The following FANCM variants were observed in gnomAD, a reference collection of about 807,000 sequenced individuals.
FANCM encodes FA complementation group M.
In FANCM, 140 loss-of-function variants were observed where a neutral mutation model predicts 199.5. The observed-to-expected ratio is 0.70, with a 90% confidence interval of 0.61 to 0.81. The LOEUF (loss-of-function observed/expected upper bound fraction) is 0.81. FANCM is among the 30% of genes least tolerant of loss of function. The probability of loss-of-function intolerance (pLI) is 0.00; values close to 1 mark genes in which losing one functional copy is unlikely to be tolerated. For missense variants in FANCM, 2,410 were observed against 2,421.4 expected (o/e 1.00, Z 0.10); for synonymous variants, 840 against 836.8 (o/e 1.00, Z -0.07).
chr14:45,200,268 TTAAG>T lies in FANCM; in HGVS notation c.*261_*264del, dbSNP rs1890291521. 1 of 165,396 alleles carries T rather than the reference TTAAG, an allele frequency of 6.0e-6. No homozygotes were observed. 10.2% of individuals were successfully genotyped at this position (165,396 alleles called of 1,614,324 possible). A position where few individuals can be genotyped will look rare whatever the true frequency, so the allele number is the denominator to read the frequency against. ...TATTAAAAGTGTTACTAAGGATAGT[TTAAG>T]AAAGTAAAAGCTAAGCTAGAGATAT... On this transcript the variant is annotated 3_prime_UTR_variant, in exon 23 of 23. Transcript: ENST00000267430.
chr14:45,196,471 C>T lies in FANCM; in HGVS notation c.5640C>T (p.Phe1880=). Residue 1880 remains phenylalanine (F), a synonymous_variant, in exon 21 of 23, where the codon TTC becomes TTT. Transcript: ENST00000267430. ...EMLNSVNKNK[F]IEQIQHLQSM... The stretch of plus-strand genomic sequence containing the variant: ...TAAATAGTGTCAATAAGAACAAGTT[C>T]ATTGAGCAGATCCAGCACCTGCAGA... 6.2e-7 allele frequency: 1 copy of T among 1,613,876 alleles called. No homozygotes were observed. The highest frequency in any genetic ancestry group is 8.5e-7 in the Non-Finnish European group (1 of 1,179,854).
chr14:45,142,937 A>G (rs1302042881), intron 3 of FANCM, among the ~76,000 whole-genome samples: 1 of 152,026 alleles, frequency 6.6e-6, no homozygotes, highest in African/African-American at 2.4e-5. Flanking sequence ...AGACTATGTA[A>G]ATAATCCTGT....
chr14:45,178,734 T>A (rs573722747), intron 14 of FANCM, among the ~76,000 whole-genome samples: 2 of 152,314 alleles, frequency 1.3e-5, no homozygotes, highest in South Asian at 2.1e-4. Flanking sequence ...TCTGGGTAGA[T>A]GTTTTAGTAG....
chr14:45,181,743 C>T (rs2139271636), intron 16 of FANCM, 38 bp downstream of exon 16: 1 of 1,320,588 alleles, frequency 7.6e-7, no homozygotes, highest in Non-Finnish European at 1.1e-6. Context: ...AATCCAAATT[C>T]CTTTGGAATA....
chr14:45,179,063 G>A (rs761538753), intron 14 of FANCM, among the ~76,000 whole-genome samples: 1 of 152,038 alleles, frequency 6.6e-6, no homozygotes, highest in Non-Finnish European at 1.5e-5. Context: ...GCCAGGCGTC[G>A]TGGCACGTTC....
intron 8 of FANCM, among the ~76,000 whole-genome samples, chr14:45,156,916 C>CAAAA (rs535786477): frequency 1.5e-4 from 7 of 47,754 alleles, no homozygotes; most frequent in African/African-American, 4.2e-4. Context: ...GACTCTGTCT[C>CAAAA]AAAAAAAAAA....
At chr14:45,148,743 T>C in intron 3 of FANCM, 94 bp from the exon 4 acceptor site, 1 of 795,826 alleles carries the variant, frequency 1.3e-6, no homozygotes, top group Non-Finnish European at 2.1e-6. Context: ...TGGTGCTTCT[T>C]TCAAAATTTT....
Position 45,164,467 on chromosome 14 carries a change from C to A in FANCM, c.1690C>A (p.Gln564Lys), listed in dbSNP as rs151303175. Residue 564 changes from glutamine to lysine, a missense_variant, in exon 10 of 23, where the codon CAG becomes AAG. Gln to Lys is a moderately conservative substitution (Grantham distance 53, BLOSUM62 1). Transcript: ENST00000267430. The stretch of plus-strand genomic sequence containing the variant: ...TGATCTTATAATATGTTTTGATTCC[C>A]AGAAGAGCCCAATTCGTCTTGTACA... ...EVDLIICFDSQKSPIRLVQRM... is the reference protein window; with the variant it reads ...EVDLIICFDSKKSPIRLVQRM... 12 of 1,613,428 alleles carry A rather than the reference C, an allele frequency of 7.4e-6. No homozygotes were observed. Among genetic ancestry groups the A allele is most frequent in the Non-Finnish European group, 9.3e-6 (11 of 1,179,908 alleles).
At position 45,140,660 on chromosome 14, in the gene FANCM, A is replaced by G. The variant is rs760977059; in HGVS notation, c.710A>G (p.Asn237Ser). ...QVVRELVKYT[N>S]HFRILALSAT... The stretch of plus-strand genomic sequence containing the variant: ...GTAAGAGAACTAGTCAAATATACAA[A>G]TCACTTTAGAATCTTGGCTCTAAGT... Residue 237 changes from asparagine to serine, a missense_variant, in exon 3 of 23, where the codon AAT (asparagine) becomes AGT (serine). Coordinates refer to ENST00000267430, the MANE Select transcript of FANCM (RefSeq NM_020937.4). The G allele has an allele frequency of 9.4e-6, 15 of 1,603,646 alleles. No homozygotes were observed. Among genetic ancestry groups the G allele is most frequent in the Non-Finnish European group, 1.3e-5 (15 of 1,171,136 alleles).
At chr14:45,173,517 C>A (rs1888477588) in intron 13 of FANCM, among the ~76,000 whole-genome samples, 1 of 152,138 alleles carries the variant, frequency 6.6e-6, no homozygotes, top group Admixed American at 6.5e-5. Context: ...TACTCTCTGT[C>A]ATCTAGGTTA....
chr14:45,198,561 G>GCAGA, intron 21 of FANCM, 83 bp from the exon 22 acceptor site: 1 of 714,700 alleles, frequency 1.4e-6, no homozygotes, highest in Non-Finnish European at 2.0e-6. Context: ...TAGATCTTGG[G>GCAGA]ATTTTAATAA....
At chr14:45,187,446 C>A (rs1372783355) in intron 18 of FANCM, among the ~76,000 whole-genome samples, 3 of 151,680 alleles carry the variant, frequency 2.0e-5, no homozygotes, top group Non-Finnish European at 4.4e-5. Context: ...TTTTTTGAAA[C>A]TTCTATAAAT....
rs1259788915 is a variant in FANCM, at chr14:45,151,252, G to A, written c.919-145G>A. ...GGATAGATGTCAAGTAGTTTTAAAT[G>A]TTATCATTGCTGAGTTTACTTAAAC... On this transcript the variant is annotated intron_variant, in intron 4 of 22. Coordinates refer to ENST00000267430, the MANE Select transcript of FANCM (RefSeq NM_020937.4). The A allele has an allele frequency of 7.6e-6, 5 of 661,090 alleles. No homozygotes were observed. The African/African-American group carries it at 9.2e-5, about 12-fold the overall frequency. The allele number at this position is 661,090 out of a possible 1,614,324, so 41.0% of individuals were successfully genotyped here.
intron 21 of FANCM, among the ~76,000 whole-genome samples, chr14:45,197,235 G>A (rs1423364108): frequency 1.3e-5 from 2 of 152,130 alleles, no homozygotes; most frequent in South Asian, 4.1e-4. Context: ...CACTCCCTCT[G>A]AGGAACTGAT....
At chr14:45,151,762 A>C (rs922932911) in intron 5 of FANCM, among the ~76,000 whole-genome samples, 1 of 152,010 alleles carries the variant, frequency 6.6e-6, no homozygotes, top group African/African-American at 2.4e-5. Context: ...CTGTCTCTGC[A>C]AATGTAAAAG....
In FANCM at chr14:45,196,457, A is replaced by C; in HGVS notation, c.5626A>C (p.Asn1876His). 1 of 1,614,148 alleles carries C rather than the reference A, an allele frequency of 6.2e-7. No homozygotes were observed. Among genetic ancestry groups the C allele is most frequent in the South Asian group, 1.1e-5 (1 of 91,084 alleles). Residue 1876 changes from asparagine to histidine, a missense_variant, in exon 21 of 23, where the codon AAT becomes CAT. Asn to His is a moderately conservative substitution (Grantham distance 68, BLOSUM62 1). Transcript: ENST00000267430. ...RSQSEMLNSV[N>H]KNKFIEQIQH... ...TCAATCTGAGATGTTAAATAGTGTC[A>C]ATAAGAACAAGTTCATTGAGCAGAT...
At chr14:45,164,698 T>C (rs2139206082) in intron 10 of FANCM, 133 bp downstream of exon 10, 1 of 710,774 alleles carries the variant, frequency 1.4e-6, no homozygotes, top group African/African-American at 1.8e-5. Flanking sequence ...CCCCACTTTG[T>C]ATTGGATTCT....
chr14:45,151,512 C>T lies in FANCM; in HGVS notation c.1034C>T (p.Pro345Leu). Residue 345 changes from proline to leucine, a missense_variant, in exon 5 of 23, where the codon CCA becomes CTA. Pro to Leu is a moderately conservative substitution (Grantham distance 98). Transcript: ENST00000267430. ...ILARDQFRKN[P>L]SPNIVGIQQG... ...GCAAGAGATCAGTTTAGGAAAAACCCATCTCCGAATATTGTGGTAGGTATT... is the reference window on the plus strand; with the variant it reads ...GCAAGAGATCAGTTTAGGAAAAACCTATCTCCGAATATTGTGGTAGGTATT... 1 of 1,612,140 alleles carries T rather than the reference C, an allele frequency of 6.2e-7. No homozygotes were observed. Among genetic ancestry groups the T allele is most frequent in the Non-Finnish European group, 8.5e-7 (1 of 1,178,348 alleles).
chr14:45,166,796 A>G (rs1366208423), intron 10 of FANCM, among the ~76,000 whole-genome samples, 154 bp from the exon 11 acceptor site: 3 of 151,628 alleles, frequency 2.0e-5, no homozygotes, highest in Admixed American at 6.6e-5. Flanking sequence ...AAAAAAAAAA[A>G]TTCAAGACAA....
Sources: allele counts gnomAD v4.1 joint callset (sites outside exome capture counted in the v4.1 genomes callset), GRCh38; gene constraint gnomAD v4.1.1; transcripts MANE v1.5; gene names NCBI Gene and HGNC (gene_info 2026-07-23, HGNC 2026-07-21).